The following MBD5 variants were observed in gnomAD, a reference collection of about 807,000 sequenced individuals.
MBD5 encodes the protein methyl-CpG-binding domain protein 5.
A neutral mutation model predicts 117.3 loss-of-function variants in MBD5; 13 were observed. That is an observed-to-expected ratio of 0.11 (90% CI 0.07 to 0.18). The LOEUF (loss-of-function observed/expected upper bound fraction) is 0.18, where lower values mean the gene tolerates loss of function less well. Ranked by LOEUF, MBD5 falls within the 10% of genes least tolerant of loss-of-function variation. The pLI, the probability that MBD5 is intolerant of heterozygous loss-of-function variation, is 1.00. For synonymous variants in MBD5, 727 were observed against 766.4 expected, an observed-to-expected ratio of 0.95 and a Z score of 0.85; for missense variants, 1,879 against 2,093.8, an observed-to-expected ratio of 0.90 and a Z score of 2.00.
At chr2:148,074,397 G>T (rs1695437008) in intron 1 of MBD5, among the ~76,000 whole-genome samples, 1 of 151,624 alleles carries the variant, frequency 6.6e-6, no homozygotes, top group African/African-American at 2.4e-5. Flanking sequence ...TGAGCATTCT[G>T]GTTTAACAGT....
chr2:148,364,159 T>TACA (rs956475584), intron 4 of MBD5, among the ~76,000 whole-genome samples: 7 of 152,100 alleles, frequency 4.6e-5, no homozygotes, highest in African/African-American at 1.7e-4. Context: ...GTAGAAACCC[T>TACA]ACAAGCCAGA....
At chr2:148,383,447 G>A (rs979668459) in intron 4 of MBD5, among the ~76,000 whole-genome samples, 2 of 152,128 alleles carry the variant, frequency 1.3e-5, no homozygotes, top group Non-Finnish European at 1.5e-5. Flanking sequence ...CAGGCTCTGA[G>A]ATTGAGGCAA....
intron 3 of MBD5, among the ~76,000 whole-genome samples, chr2:148,235,819 G>A (rs193208574): frequency 6.6e-6 from 1 of 151,916 alleles, no homozygotes; most frequent in East Asian, 1.9e-4. Flanking sequence ...GGGTGGCGGG[G>A]ACAGGCTCTT....
Position 148,342,254 on chromosome 2 carries a change from G to C in MBD5, c.-639G>C, listed in dbSNP as rs990721096. On this transcript the variant is annotated 5_prime_UTR_variant, in exon 4 of 14. Transcript: ENST00000642680. ...CCTTATAGGGACTCGTAAAGACATA[G>C]AGCATCTGGAAATTAACTGCCTCCA... is the stretch of plus-strand genomic sequence containing the variant. The C allele has an allele frequency of 6.6e-6, 1 of 152,018 alleles. No individual in the cohort carries two copies. The highest frequency in any genetic ancestry group is 1.9e-4 in the East Asian group (1 of 5,180). 9.4% of individuals were successfully genotyped at this position (152,018 alleles called of 1,614,324 possible). A position where few individuals can be genotyped will look rare whatever the true frequency, so the allele number is the denominator to read the frequency against.
intron 7 of MBD5, among the ~76,000 whole-genome samples, chr2:148,465,839 A>G (rs1707244760): frequency 6.6e-6 from 1 of 152,158 alleles, no homozygotes; most frequent in African/African-American, 2.4e-5. Context: ...ATTACCGTGG[A>G]CATATTCTTA....
intron 1 of MBD5, chr2:148,070,800 G>T (rs745729298): frequency 6.6e-6 from 1 of 151,702 alleles, no homozygotes; most frequent in South Asian, 2.1e-4. Flanking sequence ...ATTTAAAATG[G>T]AAGTGTAAAA....
chr2:148,488,257 G>A (rs577190835), intron 10 of MBD5, among the ~76,000 whole-genome samples: 50 of 152,296 alleles, frequency 3.3e-4, no homozygotes, highest in Middle Eastern at 6.8e-3. Context: ...TTCTCATTAC[G>A]TAAGATCATC....
intron 2 of MBD5, among the ~76,000 whole-genome samples, chr2:148,185,744 A>G (rs1698638058): frequency 6.6e-6 from 1 of 152,148 alleles, no homozygotes; most frequent in East Asian, 1.9e-4. Flanking sequence ...TCTACTAAAA[A>G]ATGTAAAAGT....
chr2:148,369,649 AGTTGTAATACTTTTTCTTTTT>A (rs1341683929), intron 4 of MBD5, among the ~76,000 whole-genome samples: 5 of 152,152 alleles, frequency 3.3e-5, no homozygotes, highest in Non-Finnish European at 7.4e-5. Flanking sequence ...TGAAATAAAA[AGTTGTAATACTTTTTCTTTTT>A]GTTGTAATAC....
intron 4 of MBD5, among the ~76,000 whole-genome samples, chr2:148,384,944 C>T (rs560821912): frequency 1.5e-3 from 229 of 152,148 alleles, no homozygotes; most frequent in African/African-American, 5.2e-3. Context: ...TTCCTTACAC[C>T]TTATACAAAA....
At chr2:148,260,345 A>C (rs948360001) in intron 3 of MBD5, among the ~76,000 whole-genome samples, 4 of 152,206 alleles carry the variant, frequency 2.6e-5, no homozygotes, top group African/African-American at 9.6e-5. Flanking sequence ...GCAACTGCTC[A>C]TCCGTTCAAG....
chr2:148,199,542 A>G (rs1178653532), intron 2 of MBD5, among the ~76,000 whole-genome samples: 2 of 152,040 alleles, frequency 1.3e-5, no homozygotes, highest in African/African-American at 4.8e-5. Flanking sequence ...GCCGAGGTGG[A>G]TGGATCACTT....
intron 3 of MBD5, among the ~76,000 whole-genome samples, chr2:148,284,809 T>C (rs75829576): frequency 2.1e-3 from 322 of 152,340 alleles, no homozygotes; most frequent in Non-Finnish European, 3.5e-3. Context: ...AATATATACA[T>C]AGATTTGTGT....
intron 2 of MBD5, among the ~76,000 whole-genome samples, chr2:148,206,130 A>T (rs1049942196): frequency 1.3e-5 from 2 of 152,014 alleles, no homozygotes; most frequent in Non-Finnish European, 2.9e-5. Context: ...TCTCAAAAAA[A>T]AAAAAAATAG....
intron 2 of MBD5, among the ~76,000 whole-genome samples, chr2:148,186,410 C>A (rs1698658775): frequency 6.6e-6 from 1 of 152,092 alleles, no homozygotes; most frequent in South Asian, 2.1e-4. Flanking sequence ...CAGACAAATA[C>A]AATGAGTAAA....
chr2:148,477,235 G>C (rs1026783974), intron 8 of MBD5, among the ~76,000 whole-genome samples: 4 of 152,012 alleles, frequency 2.6e-5, no homozygotes, highest in African/African-American at 9.7e-5. Flanking sequence ...CAAGATTCAA[G>C]CTGCATCCCT....
chr2:148,415,879 C>A (rs1394735077), intron 4 of MBD5, among the ~76,000 whole-genome samples: 1 of 152,070 alleles, frequency 6.6e-6, no homozygotes, highest in Non-Finnish European at 1.5e-5. Context: ...TATTTAATTC[C>A]TTAGATTCCT....
chr2:148,358,369 A>G (rs565133574), intron 4 of MBD5, among the ~76,000 whole-genome samples: 7 of 152,302 alleles, frequency 4.6e-5, no homozygotes, highest in African/African-American at 1.7e-4. Flanking sequence ...TTAAAATAAT[A>G]CAGGAGGGAT....
chr2:148,060,311 A>C (rs1468846731), intron 1 of MBD5, among the ~76,000 whole-genome samples: 2 of 151,840 alleles, frequency 1.3e-5, no homozygotes, highest in Admixed American at 6.6e-5. Flanking sequence ...CCCTGTCTCA[A>C]AGAAAAAGGA....
Sources: allele counts gnomAD v4.1 joint callset (sites outside exome capture counted in the v4.1 genomes callset), GRCh38; gene constraint gnomAD v4.1.1; transcripts MANE v1.5; gene names NCBI Gene and HGNC (gene_info 2026-07-23, HGNC 2026-07-21).